The following APBA2 variants were observed in gnomAD, a reference collection of about 807,000 sequenced individuals.
APBA2 encodes the protein amyloid beta precursor protein binding family A member 2.
A neutral mutation model predicts 75.0 loss-of-function variants in APBA2; 30 were observed. The ratio of observed to expected loss-of-function variants is 0.40; its 90% CI spans 0.30 to 0.54. The LOEUF is 0.54. Ranked by LOEUF, APBA2 falls within the 20% of genes least tolerant of loss-of-function variation. The pLI, the probability that APBA2 is intolerant of heterozygous loss-of-function variation, is 0.49. For synonymous variants in APBA2, 444 were observed against 409.6 expected (o/e 1.08, Z -1.01); for missense variants, 801 against 1,016.1 (o/e 0.79, Z 2.88).
intron 4 of APBA2, among the ~76,000 whole-genome samples, chr15:29,055,275 T>C (rs992930397): frequency 2.0e-5 from 3 of 152,152 alleles, no homozygotes; most frequent in African/African-American, 7.2e-5. Context: ...TTGGGTGGCC[T>C]GGTGGCTGGG....
intron 2 of APBA2, among the ~76,000 whole-genome samples, chr15:28,938,497 G>T (rs971307196): frequency 1.3e-5 from 2 of 151,902 alleles, no homozygotes; most frequent in African/African-American, 4.8e-5. Context: ...ATATTATGGG[G>T]GTACGTGTGA....
rs796876842 is a variant in APBA2, at chr15:29,011,379, C to T, written c.-41+15573C>T. Among the ~76,000 whole-genome samples the T allele has an allele frequency of 1.4e-3, 217 of 152,218 alleles. 1 individual carries two copies. Among genetic ancestry groups the T allele is most frequent in the African/African-American group, 4.9e-3 (203 of 41,526 alleles). On this transcript the variant is annotated intron_variant, in intron 3 of 14. Coordinates refer to ENST00000683413, the MANE Select transcript of APBA2 (RefSeq NM_001353788.2). ...AAAATCTGTTCACTTTTTAAAATTT[C>T]TCCTTTGAAATGTGGGTTATTTTAA...
intron 2 of APBA2, among the ~76,000 whole-genome samples, chr15:28,933,422 G>A (rs1287401512): frequency 6.6e-6 from 1 of 152,134 alleles, no homozygotes; most frequent in Non-Finnish European, 1.5e-5. Context: ...TGGCTCTCTG[G>A]TCTTGGACTT....
At position 29,117,291 on chromosome 15, in the gene APBA2, C is replaced by CATT. The variant is rs1024942300; in HGVS notation, c.*159_*161dup. The CATT allele has an allele frequency of 6.1e-6, 4 of 657,240 alleles. No homozygotes were observed. Among genetic ancestry groups the CATT allele is most frequent in the Admixed American group, 2.8e-5 (1 of 36,264 alleles). 40.7% of individuals were successfully genotyped at this position (657,240 alleles called of 1,614,324 possible). A position where few individuals can be genotyped will look rare whatever the true frequency, so the allele number is the denominator to read the frequency against. On this transcript the variant is annotated 3_prime_UTR_variant, in exon 15 of 15. Coordinates refer to ENST00000683413, the MANE Select transcript of APBA2 (RefSeq NM_001353788.2). ...CCCTCACCACCCACTTGATTTTTTT[C>CATT]ATTTTGCCAAAAAGGGGTATGTCTT...
At chr15:28,968,716 G>A (rs2036873053) in intron 2 of APBA2, among the ~76,000 whole-genome samples, 1 of 152,164 alleles carries the variant, frequency 6.6e-6, no homozygotes, top group Admixed American at 6.5e-5. Context: ...CTTATTTGGA[G>A]AAATGGTCTT....
chr15:29,078,985 T>C (rs1377114098), intron 6 of APBA2, among the ~76,000 whole-genome samples: 2 of 152,172 alleles, frequency 1.3e-5, no homozygotes, highest in South Asian at 2.1e-4. Context: ...CCAGGCAACA[T>C]TGCTTATGGT....
chr15:29,092,622 AGGCTACAGACAGGCAG>A (rs1361912492), intron 6 of APBA2, among the ~76,000 whole-genome samples: 2 of 152,102 alleles, frequency 1.3e-5, no homozygotes, highest in African/African-American at 2.4e-5. Flanking sequence ...GTGTCCTGAG[AGGCTACAGACAGGCAG>A]GAGCCCCTCA....
intron 3 of APBA2, among the ~76,000 whole-genome samples, chr15:29,051,763 A>G (rs1490576702): frequency 6.6e-6 from 1 of 152,136 alleles, no homozygotes; most frequent in African/African-American, 2.4e-5. Flanking sequence ...CCTAAACTAA[A>G]GAGACAAGAG....
chr15:29,114,390 T>A (rs2044928889), intron 14 of APBA2, among the ~76,000 whole-genome samples: 1 of 152,204 alleles, frequency 6.6e-6, no homozygotes. Context: ...CTGTCCCACT[T>A]CACTGGCTGA....
chr15:28,946,759 T>A (rs1160880775), intron 2 of APBA2, among the ~76,000 whole-genome samples: 4 of 152,144 alleles, frequency 2.6e-5, no homozygotes, highest in African/African-American at 7.2e-5. Flanking sequence ...TGCATTTTTT[T>A]GTAAAGATAA....
chr15:29,056,989 C>T (rs2041928890), intron 4 of APBA2, among the ~76,000 whole-genome samples: 1 of 152,100 alleles, frequency 6.6e-6, no homozygotes, highest in Admixed American at 6.5e-5. Flanking sequence ...GAACAATCCC[C>T]TTCCTCCCCT....
intron 3 of APBA2, among the ~76,000 whole-genome samples, chr15:29,045,105 T>C (rs2041253559): frequency 1.1e-5 from 1 of 89,266 alleles, no homozygotes; most frequent in African/African-American, 8.0e-5. Flanking sequence ...CTCTCTCTCG[T>C]CTCGCACTGT....
intron 3 of APBA2, among the ~76,000 whole-genome samples, chr15:29,034,628 C>T (rs943153046): frequency 6.6e-6 from 1 of 152,188 alleles, no homozygotes. Flanking sequence ...CACTTGGAAC[C>T]AATGTCAGTT....
rs1415424898 is a variant in APBA2 at position 29,117,312 on chromosome 15, G to GTCTT, written c.*181_*184dup. ...TTTTCATTTTGCCAAAAAGGGGTAT[G>GTCTT]TCTTTATCAAAGGAGAGTCACAGAA... On this transcript the variant is annotated 3_prime_UTR_variant, in exon 15 of 15. Coordinates refer to ENST00000683413, the MANE Select transcript of APBA2 (RefSeq NM_001353788.2). The GTCTT allele has an allele frequency of 9.7e-6, 6 of 619,542 alleles. No individual in the cohort carries two copies. The highest frequency in any genetic ancestry group is 2.8e-5 in the Admixed American group (1 of 35,510). The allele number at this position is 619,542 out of a possible 1,614,324, so 38.4% of individuals were successfully genotyped here.
chr15:29,067,381 C>T (rs1055788579), intron 4 of APBA2, among the ~76,000 whole-genome samples: 6 of 152,248 alleles, frequency 3.9e-5, no homozygotes, highest in South Asian at 2.1e-4. Context: ...GTGGACCTGG[C>T]GTGTGTGGTC....
chr15:28,974,232 G>A (rs1421474698), intron 2 of APBA2, among the ~76,000 whole-genome samples: 1 of 152,182 alleles, frequency 6.6e-6, no homozygotes, highest in Non-Finnish European at 1.5e-5. Context: ...AGCATTAATG[G>A]AAACAAAGAG....
At chr15:29,051,282 T>C (rs1344283279) in intron 3 of APBA2, among the ~76,000 whole-genome samples, 1 of 152,174 alleles carries the variant, frequency 6.6e-6, no homozygotes, top group Non-Finnish European at 1.5e-5. Flanking sequence ...AACAGCTCTT[T>C]CGAATTGTCC....
At chr15:28,892,905 C>T (rs1296666462) in intron 1 of APBA2, among the ~76,000 whole-genome samples, 6 of 152,170 alleles carry the variant, frequency 3.9e-5, no homozygotes, top group African/African-American at 1.2e-4. Context: ...TGAGTGAATG[C>T]GTGCATTTAG....
intron 2 of APBA2, among the ~76,000 whole-genome samples, chr15:28,929,875 G>A (rs1052212415): frequency 2.6e-5 from 4 of 152,110 alleles, no homozygotes; most frequent in South Asian, 2.1e-4. Context: ...TCCTAATTCC[G>A]TCAAGGGGAG....
Sources: gnomAD v4.1 joint callset for allele counts (sites outside exome capture counted in the v4.1 genomes callset) on GRCh38, gnomAD v4.1.1 for gene constraint, MANE v1.5 for transcripts, NCBI Gene and HGNC (gene_info 2026-07-23, HGNC 2026-07-21) for gene names.